PCDHGB4: variants seen among roughly 807,000 people sequenced by gnomAD.
PCDHGB4 encodes protocadherin gamma subfamily B, 4, also known as protocadherin gamma-B4.
A neutral mutation model predicts 60.5 loss-of-function variants in PCDHGB4; 38 were observed. The ratio of observed to expected loss-of-function variants is 0.63; its 90% CI spans 0.48 to 0.82. The LOEUF (loss-of-function observed/expected upper bound fraction) is 0.82. Ranked by LOEUF, PCDHGB4 falls within the 40% of genes least tolerant of loss-of-function variation. The pLI is 0.00. For missense variants in PCDHGB4, 1,109 were observed against 1,209.6 expected, an observed-to-expected ratio of 0.92 and a Z score of 1.23; for synonymous variants, 456 against 509.7, an observed-to-expected ratio of 0.89 and a Z score of 1.42.
chr5:141,506,645 A>G (rs1229614297), intron 3 of PCDHGB4, among the ~76,000 whole-genome samples: 3 of 152,188 alleles, frequency 2.0e-5, no homozygotes, highest in African/African-American at 7.2e-5. Context: ...CCCTCAGCAC[A>G]GGATTGGCAG....
Position 141,485,190 on chromosome 5 carries a change from G to C in PCDHGB4, c.2398-9617G>C. 6.2e-7 allele frequency: 1 copy of C among 1,613,920 alleles called. No individual in the cohort carries two copies. Among genetic ancestry groups the C allele is most frequent in the Non-Finnish European group, 8.5e-7 (1 of 1,179,788 alleles). Reference sequence around the variant, plus strand: ...GCGGCAGCAATGCTCCGCAAGGTGAGAAGCTGGACAGAAATCTGGCGGTGG... The same window carrying C: ...GCGGCAGCAATGCTCCGCAAGGTGACAAGCTGGACAGAAATCTGGCGGTGG... On this transcript the variant is annotated intron_variant, in intron 1 of 3. Coordinates refer to ENST00000519479, the MANE Select transcript of PCDHGB4 (RefSeq NM_003736.4). This position sits in a 1 kb window ranked among gnomAD's most constrained non-coding sequence, Gnocchi z 5.7.
chr5:141,432,300 T>G lies in PCDHGB4; in HGVS notation c.2397+42019T>G, dbSNP rs1280788604. ...TCCATCAACTCCGACACTGGGGTACTGTATGCGCTGAGCTCCTTCGACTAC... is the reference window on the plus strand; with the variant it reads ...TCCATCAACTCCGACACTGGGGTACGGTATGCGCTGAGCTCCTTCGACTAC... On this transcript the variant is annotated intron_variant, in intron 1 of 3. Transcript: ENST00000519479. The surrounding 1 kb of genome is among the most constrained non-coding windows in gnomAD (Gnocchi z 6.0). 1.9e-6 allele frequency: 3 copies of G among 1,614,158 alleles called. No homozygotes were observed. The highest frequency in any genetic ancestry group is 2.5e-6 in the Non-Finnish European group (3 of 1,180,056).
In PCDHGB4 at chr5:141,388,866, C is replaced by T; in HGVS notation, c.982C>T (p.Gln328Ter). Residue 328 changes from glutamine to a stop codon, truncating the protein, a stop_gained, in exon 1 of 4, where the codon CAA becomes TAA. Coordinates refer to ENST00000519479, the MANE Select transcript of PCDHGB4 (RefSeq NM_003736.4). LOFTEE classifies it high-confidence loss of function. ...AAGGGACGGTGGAGGAATGATTGCG[C>T]AATGCACAGTGGAGGTAGAAGTCAT... ...EARDGGGMIA[Q>*]CTVEVEVIDE... 1 of 1,613,950 alleles carries T rather than the reference C, an allele frequency of 6.2e-7. No homozygotes were observed. The highest frequency in any genetic ancestry group is 8.5e-7 in the Non-Finnish European group (1 of 1,179,856).
rs766151180 is a variant in PCDHGB4 at position 141,432,210 on chromosome 5, A to G, written c.2397+41929A>G. On this transcript the variant is annotated intron_variant, in intron 1 of 3. Transcript: ENST00000519479. This position sits in a 1 kb window ranked among gnomAD's most constrained non-coding sequence, Gnocchi z 6.0. Reference sequence around the variant, plus strand: ...GCCCACGACCCCGACTGTGAAGAGAACGCCCAGATCACTTATTCCCTGGCT... The same window carrying G: ...GCCCACGACCCCGACTGTGAAGAGAGCGCCCAGATCACTTATTCCCTGGCT... 1 of 1,614,138 alleles carries G rather than the reference A, an allele frequency of 6.2e-7. No individual in the cohort carries two copies. Among genetic ancestry groups the G allele is most frequent in the Non-Finnish European group, 8.5e-7 (1 of 1,180,018 alleles).
chr5:141,509,595 C>T (rs968797923), intron 3 of PCDHGB4, among the ~76,000 whole-genome samples: 36 of 152,168 alleles, frequency 2.4e-4, no homozygotes, highest in African/African-American at 6.8e-4. Context: ...CTGGCAATTC[C>T]GAGAGGCTGC....
chr5:141,483,255 GTTTT>G (rs147039946), intron 1 of PCDHGB4, among the ~76,000 whole-genome samples: 7,425 of 152,114 alleles, frequency 0.049, 355 homozygotes, highest in African/African-American at 0.13. Context: ...ATATCATGAG[GTTTT>G]TTTGTTTTAG....
Position 141,476,702 on chromosome 5 carries a change from C to CTGG in PCDHGB4, c.2398-18102_2398-18100dup, listed in dbSNP as rs1562056101. On this transcript the variant is annotated intron_variant, in intron 1 of 3. Coordinates refer to ENST00000519479, the MANE Select transcript of PCDHGB4 (RefSeq NM_003736.4). This position sits in a 1 kb window ranked among gnomAD's most constrained non-coding sequence, Gnocchi z 7.6. ...GGAGGACAGCACCAAGTACGCGGAG[C>CTGG]TGGTGTTGGAGCGCGCCCTGGACCG... 5 of 1,614,222 alleles carry CTGG rather than the reference C, an allele frequency of 3.1e-6. No homozygotes were observed. The highest frequency in any genetic ancestry group is 4.2e-6 in the Non-Finnish European group (5 of 1,180,042).
At chr5:141,410,340 T>G in intron 1 of PCDHGB4, 1 of 1,614,068 alleles carries the variant, frequency 6.2e-7, no homozygotes, top group Non-Finnish European at 8.5e-7. Flanking sequence ...GCCATTGCCT[T>G]GCGCCTGCGA....
chr5:141,419,617 C>T (rs780077182), intron 1 of PCDHGB4: 2 of 1,612,280 alleles, frequency 1.2e-6, no homozygotes, highest in South Asian at 2.2e-5. Flanking sequence ...AGCCAGGCTA[C>T]CTGGTGACCA....
At chr5:141,482,611 G>T (rs1016481108) in intron 1 of PCDHGB4, among the ~76,000 whole-genome samples, 1 of 150,398 alleles carries the variant, frequency 6.6e-6, no homozygotes, top group Admixed American at 6.6e-5. Context: ...ACACCTAAAT[G>T]AGCCTGGAGA....
intron 3 of PCDHGB4, among the ~76,000 whole-genome samples, chr5:141,506,473 G>A (rs976701500): frequency 2.7e-4 from 40 of 150,506 alleles, no homozygotes; most frequent in Admixed American, 1.5e-3. Flanking sequence ...AAAGAGCACA[G>A]GCTTTAGAGG....
At position 141,388,052 on chromosome 5, in the gene PCDHGB4, C is replaced by T. The variant is rs777475213; in HGVS notation, c.168C>T (p.Phe56=). ...VVGNLATDLG[F]SVQELPTRKL... ...GGAACCTCGCCACGGACCTGGGGTT[C>T]AGCGTCCAGGAGTTACCGACTCGAA... The change falls in exon 1 of 4, where the codon TTC becomes TTT. Residue 56 remains phenylalanine (F), a synonymous_variant. Transcript: ENST00000519479. The T allele has an allele frequency of 7.2e-7, 1 of 1,394,236 alleles. No homozygotes were observed. Among genetic ancestry groups the T allele is most frequent in the Non-Finnish European group, 9.8e-7 (1 of 1,020,246 alleles). 86.4% of individuals were successfully genotyped at this position (1,394,236 alleles called of 1,614,324 possible).
chr5:141,393,399 C>G, intron 1 of PCDHGB4: 1 of 1,614,028 alleles, frequency 6.2e-7, no homozygotes, highest in Non-Finnish European at 8.5e-7. Flanking sequence ...AGAGCTGGTG[C>G]TGGAGCGCGC....
In PCDHGB4 at chr5:141,477,595, T is replaced by C. The variant is rs1289890776; in HGVS notation, c.2398-17212T>C. The C allele has an allele frequency of 6.2e-7, 1 of 1,614,176 alleles. No individual in the cohort carries two copies. Among genetic ancestry groups the C allele is most frequent in the Non-Finnish European group, 8.5e-7 (1 of 1,180,032 alleles). ...ACGCCCCGCAGAATGCTCGGCTTTC[T>C]TTCTTTCTCTTGGAGCAAGGAGCTG... On this transcript the variant is annotated intron_variant, in intron 1 of 3. Coordinates refer to ENST00000519479, the MANE Select transcript of PCDHGB4 (RefSeq NM_003736.4). This position sits in a 1 kb window ranked among gnomAD's most constrained non-coding sequence, Gnocchi z 4.9.
intron 1 of PCDHGB4, chr5:141,399,057 A>C (rs747872462): frequency 6.2e-7 from 1 of 1,613,840 alleles, no homozygotes; most frequent in Admixed American, 1.7e-5. Context: ...AGACCAAGGA[A>C]TATTCAATGG....
chr5:141,435,929 G>A (rs926025053), intron 1 of PCDHGB4, among the ~76,000 whole-genome samples: 10 of 152,134 alleles, frequency 6.6e-5, no homozygotes, highest in African/African-American at 2.4e-4. Flanking sequence ...TGCGGCAGTT[G>A]CTGCTTCTGA....
At chr5:141,408,691 C>T (rs1013098114) in intron 1 of PCDHGB4, 1 of 1,613,854 alleles carries the variant, frequency 6.2e-7, no homozygotes, top group Non-Finnish European at 8.5e-7. Flanking sequence ...CTGATATAAA[C>T]ATAAACTCAA....
At chr5:141,416,698 A>G (rs2096053724) in intron 1 of PCDHGB4, 1 of 152,250 alleles carries the variant, frequency 6.6e-6, no homozygotes, top group Non-Finnish European at 1.5e-5. Context: ...TAAACAAAGG[A>G]TCATTGGAGG....
intron 1 of PCDHGB4, chr5:141,400,141 A>G (rs763561348): frequency 1.9e-6 from 3 of 1,614,020 alleles, no homozygotes; most frequent in Non-Finnish European, 8.5e-7. Flanking sequence ...GCCGGATATC[A>G]CTGACCGCCC....
Sources: allele counts gnomAD v4.1 joint callset (sites outside exome capture counted in the v4.1 genomes callset), GRCh38; gene constraint gnomAD v4.1.1; non-coding constraint Gnocchi (gnomAD v3.1); transcripts MANE v1.5; gene names NCBI Gene and HGNC (gene_info 2026-07-23, HGNC 2026-07-21).